MRPS27: variants seen among roughly 807,000 people sequenced by gnomAD.
MRPS27 encodes the protein mitochondrial ribosomal protein S27.
In MRPS27, 43 loss-of-function variants were observed where a neutral mutation model predicts 48.9. That is an observed-to-expected ratio of 0.88 (90% CI 0.69 to 1.13). The LOEUF is 1.13. Ranked by LOEUF, MRPS27 falls within the 50% of genes most tolerant of loss-of-function variation. The pLI is 0.00. For missense variants in MRPS27, 467 were observed against 476.3 expected, an observed-to-expected ratio of 0.98 and a Z score of 0.18; for synonymous variants, 188 against 171.9, an observed-to-expected ratio of 1.09 and a Z score of -0.73.
At chr5:72,276,616 G>A (rs182868858) in intron 4 of MRPS27, among the ~76,000 whole-genome samples, 32 of 152,040 alleles carry the variant, frequency 2.1e-4, no homozygotes, top group African/African-American at 7.5e-4. Flanking sequence ...AATATCATCA[G>A]AGTGAACAGA....
chr5:72,222,000 C>T (rs1349748300), intron 10 of MRPS27, among the ~76,000 whole-genome samples: 1 of 152,124 alleles, frequency 6.6e-6, no homozygotes, highest in Non-Finnish European at 1.5e-5. Flanking sequence ...TACCACACAT[C>T]CCCATGTTCC....
chr5:72,308,544 C>A (rs1331567433), intron 2 of MRPS27, among the ~76,000 whole-genome samples: 1 of 152,160 alleles, frequency 6.6e-6, no homozygotes, highest in Admixed American at 6.5e-5. Context: ...GCCCACTCGC[C>A]GCGTTCCACC....
intron 4 of MRPS27, among the ~76,000 whole-genome samples, chr5:72,252,229 A>C (rs896748768): frequency 2.0e-5 from 3 of 152,242 alleles, no homozygotes; most frequent in Non-Finnish European, 4.4e-5. Flanking sequence ...TCACATTCCC[A>C]TGCAACCATA....
chr5:72,306,754 T>A (rs1442643477), intron 2 of MRPS27, among the ~76,000 whole-genome samples: 1 of 152,196 alleles, frequency 6.6e-6, no homozygotes, highest in Non-Finnish European at 1.5e-5. Context: ...ATTACGTTTT[T>A]AAAAATCCTT....
At chr5:72,290,752 A>G (rs181397714) in intron 4 of MRPS27, among the ~76,000 whole-genome samples, 1 of 152,328 alleles carries the variant, frequency 6.6e-6, no homozygotes, top group African/African-American at 2.4e-5. Context: ...AAAAGAAAGT[A>G]TTTTGCCTAA....
At chr5:72,226,359 C>G in intron 8 of MRPS27, 160 bp from the exon 9 acceptor site, 1 of 727,360 alleles carries the variant, frequency 1.4e-6, no homozygotes, top group Non-Finnish European at 2.2e-6. Flanking sequence ...TTCGGTGACA[C>G]TTCAGATGGA....
chr5:72,306,053 C>G (rs1270202999), intron 2 of MRPS27, among the ~76,000 whole-genome samples: 1 of 152,152 alleles, frequency 6.6e-6, no homozygotes, highest in African/African-American at 2.4e-5. Flanking sequence ...GTATCAACAG[C>G]AATGGATTAA....
chr5:72,306,490 A>T (rs1211841136), intron 2 of MRPS27, among the ~76,000 whole-genome samples: 7 of 152,244 alleles, frequency 4.6e-5, no homozygotes, highest in African/African-American at 1.4e-4. Context: ...AAACACCACA[A>T]TAAGGATGAA....
chr5:72,282,869 T>C (rs956472360), intron 4 of MRPS27, among the ~76,000 whole-genome samples: 3 of 152,242 alleles, frequency 2.0e-5, no homozygotes, highest in African/African-American at 7.2e-5. Context: ...TAAGAGATCT[T>C]CTACCCTTTC....
chr5:72,281,090 C>T (rs960773190), intron 4 of MRPS27, among the ~76,000 whole-genome samples: 4 of 152,166 alleles, frequency 2.6e-5, no homozygotes, highest in African/African-American at 7.2e-5. Context: ...AGGGGTGGTG[C>T]GGATGGTTAG....
intron 4 of MRPS27, among the ~76,000 whole-genome samples, chr5:72,257,676 G>A (rs1389777307): frequency 6.6e-6 from 1 of 152,202 alleles, no homozygotes. Context: ...AGGGTGGATT[G>A]CAGACGTGGT....
intron 4 of MRPS27, among the ~76,000 whole-genome samples, chr5:72,264,926 G>A (rs1332320969): frequency 3.3e-5 from 5 of 152,168 alleles, no homozygotes; most frequent in Admixed American, 6.5e-5. Context: ...GAGGAAGTAC[G>A]CTTAGAGAAG....
At chr5:72,266,584 G>A (rs1423632700) in intron 4 of MRPS27, among the ~76,000 whole-genome samples, 3 of 152,256 alleles carry the variant, frequency 2.0e-5, no homozygotes, top group Admixed American at 1.3e-4. Context: ...CCCATGCTGG[G>A]CGTGGTGGCT....
intron 4 of MRPS27, among the ~76,000 whole-genome samples, chr5:72,280,129 A>G (rs932755267): frequency 2.6e-5 from 4 of 152,246 alleles, no homozygotes; most frequent in Non-Finnish European, 5.9e-5. Flanking sequence ...GTAGCTTTCT[A>G]ATAAGTCTTG....
intron 2 of MRPS27, among the ~76,000 whole-genome samples, 193 bp downstream of exon 2, chr5:72,313,888 G>T (rs997387175): frequency 2.0e-5 from 3 of 152,180 alleles, no homozygotes; most frequent in African/African-American, 4.8e-5. Flanking sequence ...AGGCAAAAAT[G>T]AAATATTAGA....
At chr5:72,298,191 C>G (rs1367153213) in intron 2 of MRPS27, among the ~76,000 whole-genome samples, 1 of 152,082 alleles carries the variant, frequency 6.6e-6, no homozygotes, top group Non-Finnish European at 1.5e-5. Context: ...CAAGCAAAAA[C>G]CAAATATCCC....
At chr5:72,293,251 C>CAT (rs1055804126) in intron 4 of MRPS27, among the ~76,000 whole-genome samples, 1 of 149,988 alleles carries the variant, frequency 6.7e-6, no homozygotes, top group Non-Finnish European at 1.5e-5. Flanking sequence ...TACCTAGTCT[C>CAT]ATATATATAC....
At chr5:72,287,932 C>T (rs1427997487) in intron 4 of MRPS27, among the ~76,000 whole-genome samples, 1 of 152,186 alleles carries the variant, frequency 6.6e-6, no homozygotes, top group Non-Finnish European at 1.5e-5. Flanking sequence ...AATGAAAGCA[C>T]GCATCTATAC....
At chr5:72,263,011 G>A (rs1749023330) in intron 4 of MRPS27, among the ~76,000 whole-genome samples, 1 of 152,064 alleles carries the variant, frequency 6.6e-6, no homozygotes, top group Non-Finnish European at 1.5e-5. Flanking sequence ...ACAATTATTT[G>A]CACAACTGGG....
Sources: gnomAD v4.1 joint callset for allele counts (sites outside exome capture counted in the v4.1 genomes callset) on GRCh38, gnomAD v4.1.1 for gene constraint, MANE v1.5 for transcripts, NCBI Gene and HGNC (gene_info 2026-07-23, HGNC 2026-07-21) for gene names.